The following TTLL7 variants were observed in gnomAD, a reference collection of about 807,000 sequenced individuals.
TTLL7 encodes the protein tubulin tyrosine ligase like 7.
A neutral mutation model predicts 120.2 loss-of-function variants in TTLL7; 53 were observed. The observed-to-expected ratio is 0.44, with a 90% CI of 0.35 to 0.55. The LOEUF (loss-of-function observed/expected upper bound fraction) is 0.55. Among genes scored for constraint, TTLL7 ranks in the 20% least tolerant of loss-of-function variants. The pLI, the probability that TTLL7 is intolerant of heterozygous loss-of-function variation, is 0.00. For missense variants in TTLL7, 803 were observed against 1,054.7 expected (o/e 0.76, Z 3.31); for synonymous variants, 353 against 351.7 (o/e 1.00, Z -0.04).
At chr1:83,925,978 G>A (rs1050079372) in intron 10 of TTLL7, among the ~76,000 whole-genome samples, 16 of 151,782 alleles carry the variant, frequency 1.1e-4, no homozygotes, top group East Asian at 3.9e-4. Flanking sequence ...AAAATTAGCC[G>A]GGAGTGCTGG....
chr1:83,964,770 T>C (rs1650304258), intron 1 of TTLL7, among the ~76,000 whole-genome samples: 1 of 152,168 alleles, frequency 6.6e-6, no homozygotes, highest in Admixed American at 6.6e-5. Context: ...CATTCAAGAA[T>C]GACAGTTGAC....
intron 1 of TTLL7, among the ~76,000 whole-genome samples, chr1:83,975,952 A>C (rs1477119387): frequency 6.6e-6 from 1 of 151,982 alleles, no homozygotes; most frequent in African/African-American, 2.4e-5. Flanking sequence ...AATACATGAG[A>C]ATATTACAGT....
At chr1:83,879,376 A>G (rs1654242958) in intron 20 of TTLL7, among the ~76,000 whole-genome samples, 1 of 151,950 alleles carries the variant, frequency 6.6e-6, no homozygotes, top group South Asian at 2.1e-4. Context: ...GAACCAAATT[A>G]TCTGATTTGA....
chr1:83,998,987 G>T lies in TTLL7; in HGVS notation c.-233C>A. ...CGTCCCCGCTGCAAGCGGTCCCCCA[G>T]GTGCTCCCGCGCCTCGCAGCTTCCC... On this transcript the variant is annotated 5_prime_UTR_variant, in exon 1 of 21. It adds an upstream start codon to the 5' untranslated region. Coordinates refer to ENST00000260505, the MANE Select transcript of TTLL7 (RefSeq NM_024686.6). 1 of 443,862 alleles carries T rather than the reference G, an allele frequency of 2.3e-6. No homozygotes were observed. The highest frequency in any genetic ancestry group is 4.5e-6 in the Non-Finnish European group (1 of 222,858). 27.5% of individuals were successfully genotyped at this position (443,862 alleles called of 1,614,324 possible). A position where few individuals can be genotyped will look rare whatever the true frequency, so the allele number is the denominator to read the frequency against.
intron 1 of TTLL7, among the ~76,000 whole-genome samples, chr1:83,996,465 T>G (rs1049296213): frequency 1.3e-5 from 2 of 152,208 alleles, no homozygotes; most frequent in Non-Finnish European, 2.9e-5. Flanking sequence ...GCTTTCTCTT[T>G]GCCTATCAGA....
At chr1:83,982,857 C>T (rs1258745426) in intron 1 of TTLL7, among the ~76,000 whole-genome samples, 1 of 152,076 alleles carries the variant, frequency 6.6e-6, no homozygotes, top group African/African-American at 2.4e-5. Context: ...CAATCCTAAG[C>T]AAAAAGGACA....
At chr1:83,874,385 G>T (rs895330379) in intron 20 of TTLL7, among the ~76,000 whole-genome samples, 1 of 152,004 alleles carries the variant, frequency 6.6e-6, no homozygotes, top group African/African-American at 2.4e-5. Flanking sequence ...ATGGGCATGG[G>T]TTGTTTCCAT....
intron 10 of TTLL7, 67 bp from the exon 11 acceptor site, chr1:83,921,461 G>T: frequency 6.5e-7 from 1 of 1,547,032 alleles, no homozygotes; most frequent in Non-Finnish European, 8.8e-7. Context: ...CCTGTGAGGA[G>T]AATTTGCAGA....
intron 1 of TTLL7, among the ~76,000 whole-genome samples, chr1:83,963,954 G>C (rs1057320155): frequency 6.6e-6 from 1 of 152,074 alleles, no homozygotes; most frequent in Non-Finnish European, 1.5e-5. Context: ...TACAGGCCTA[G>C]TTCATAAAAT....
chr1:83,949,773 T>C, intron 4 of TTLL7, 92 bp downstream of exon 4: 1 of 1,420,026 alleles, frequency 7.0e-7, no homozygotes, highest in South Asian at 1.2e-5. Flanking sequence ...TGAAATGTAA[T>C]AAGGCAACAT....
intron 1 of TTLL7, among the ~76,000 whole-genome samples, chr1:83,970,646 G>A (rs1650888267): frequency 6.6e-6 from 1 of 152,054 alleles, no homozygotes; most frequent in Non-Finnish European, 1.5e-5. Context: ...ATAAGATGTA[G>A]TTTTTCTCCT....
At chr1:83,893,660 A>C (rs1472721996) in intron 18 of TTLL7, among the ~76,000 whole-genome samples, 1 of 151,880 alleles carries the variant, frequency 6.6e-6, no homozygotes, top group Non-Finnish European at 1.5e-5. Context: ...ATCAAGGCAA[A>C]TTTAAACATT....
At chr1:83,998,702 C>T (rs542028901) in intron 1 of TTLL7, among the ~76,000 whole-genome samples, 3 of 152,248 alleles carry the variant, frequency 2.0e-5, no homozygotes, top group African/African-American at 7.2e-5. Context: ...ACCCCGTCCC[C>T]TCCGCCCTCT....
At chr1:83,930,347 TC>T (rs1659493009) in intron 9 of TTLL7, among the ~76,000 whole-genome samples, 1 of 152,142 alleles carries the variant, frequency 6.6e-6, no homozygotes, top group African/African-American at 2.4e-5. Context: ...TGCATGGTAC[TC>T]CTTTTATAGA....
At chr1:83,875,759 A>G (rs1457124068) in intron 20 of TTLL7, among the ~76,000 whole-genome samples, 1 of 151,814 alleles carries the variant, frequency 6.6e-6, no homozygotes, top group Non-Finnish European at 1.5e-5. Flanking sequence ...TTTTTCAATT[A>G]TCTTCCCCAT....
intron 1 of TTLL7, among the ~76,000 whole-genome samples, chr1:83,973,839 A>T (rs1651213990): frequency 6.6e-6 from 1 of 152,020 alleles, no homozygotes; most frequent in South Asian, 2.1e-4. Context: ...ATCTAAAGTG[A>T]AAAAGTTAGA....
In TTLL7 at chr1:83,904,102, A is replaced by G. The variant is rs1332412217; in HGVS notation, c.2185T>C (p.Leu729=). 1.2e-6 allele frequency: 2 copies of G among 1,612,190 alleles called. No individual in the cohort carries two copies. The highest frequency in any genetic ancestry group is 1.1e-5 in the South Asian group (1 of 90,956). Residue 729 remains leucine (L), a synonymous_variant, in exon 18 of 21, where the codon TTG becomes CTG. Coordinates refer to ENST00000260505, the MANE Select transcript of TTLL7 (RefSeq NM_024686.6). ...TKVASYWLIK[L]DSVKQRKVLD... is the part of the protein sequence containing the mutation. ...ACTTTTCGTTGTTTTACAGAGTCCA[A>G]TTTTATGAGCCAATATGAAGCCACT...
At chr1:83,915,578 A>G (rs1170506372) in intron 14 of TTLL7, among the ~76,000 whole-genome samples, 2 of 152,170 alleles carry the variant, frequency 1.3e-5, no homozygotes, top group South Asian at 2.1e-4. Context: ...GGACATAGGC[A>G]TGGGCAAGGA....
intron 18 of TTLL7, among the ~76,000 whole-genome samples, chr1:83,897,098 AT>A (rs956778175): frequency 4.0e-5 from 6 of 151,592 alleles, no homozygotes; most frequent in East Asian, 3.9e-4. Context: ...AAGGCAAATA[AT>A]TTTTTTTTAA....
Sources: allele counts gnomAD v4.1 joint callset (sites outside exome capture counted in the v4.1 genomes callset), GRCh38; gene constraint gnomAD v4.1.1; transcripts MANE v1.5; gene names NCBI Gene and HGNC (gene_info 2026-07-23, HGNC 2026-07-21).